COIL: variants seen among roughly 807,000 people sequenced by gnomAD.
The protein encoded by COIL is coilin.
In COIL, 28 loss-of-function variants were observed where a neutral mutation model predicts 51.6. The observed-to-expected ratio is 0.54, with a 90% CI of 0.40 to 0.74. COIL has a LOEUF of 0.74. Among genes scored for constraint, COIL ranks in the 30% least tolerant of loss-of-function variants. COIL has a pLI of 0.00. For synonymous variants in COIL, 233 were observed against 255.8 expected (o/e 0.91, Z 0.85); for missense variants, 667 against 685.9 (o/e 0.97, Z 0.31).
chr17:56,953,272 G>C (rs536278977), intron 1 of COIL, among the ~76,000 whole-genome samples: 2 of 151,814 alleles, frequency 1.3e-5, no homozygotes, highest in Non-Finnish European at 2.9e-5. Flanking sequence ...TTAGCCAGGC[G>C]TGGTGGCGGG....
intron 5 of COIL, among the ~76,000 whole-genome samples, chr17:56,944,060 T>A (rs1426150778): frequency 2.0e-5 from 3 of 149,910 alleles, no homozygotes; most frequent in African/African-American, 7.4e-5. Context: ...TACGACAGAG[T>A]CTCACTATGC....
intron 4 of COIL, 31 bp from the exon 5 acceptor site, chr17:56,946,542 A>G: frequency 1.4e-6 from 2 of 1,408,930 alleles, no homozygotes; most frequent in Non-Finnish European, 2.0e-6. Flanking sequence ...AGTCAAAATC[A>G]ACATGTAAAA....
intron 6 of COIL, 107 bp from the exon 7 acceptor site, chr17:56,939,261 A>G: frequency 1.5e-6 from 1 of 680,900 alleles, no homozygotes; most frequent in Non-Finnish European, 2.7e-6. Flanking sequence ...GAAGAACGGG[A>G]ATAATTTGGG....
intron 1 of COIL, 80 bp from the exon 2 acceptor site, chr17:56,951,076 C>G: frequency 7.6e-7 from 1 of 1,311,796 alleles, no homozygotes; most frequent in Non-Finnish European, 1.0e-6. Flanking sequence ...ACTGAGATGA[C>G]TCTACAAAAT....
chr17:56,940,798 A>G (rs937524620), intron 6 of COIL, among the ~76,000 whole-genome samples: 1 of 152,178 alleles, frequency 6.6e-6, no homozygotes, highest in Non-Finnish European at 1.5e-5. Context: ...TAACCTAATG[A>G]GCTAGCCACT....
chr17:56,941,935 T>TC (rs977302262), intron 6 of COIL, 100 bp downstream of exon 6: 2 of 951,328 alleles, frequency 2.1e-6, no homozygotes, highest in Non-Finnish European at 3.4e-6. Flanking sequence ...AAGGTCAGAT[T>TC]CCCCCCAGGG....
chr17:56,955,177 G>A (rs1453059349), intron 1 of COIL, among the ~76,000 whole-genome samples: 1 of 152,136 alleles, frequency 6.6e-6, no homozygotes, highest in Admixed American at 6.5e-5. Context: ...CGATTCTCCT[G>A]CCTCAGCCTC....
intron 4 of COIL, 139 bp downstream of exon 4, chr17:56,949,248 G>C: frequency 1.6e-6 from 1 of 644,616 alleles, no homozygotes; most frequent in Non-Finnish European, 2.6e-6. Flanking sequence ...TTGACATTTC[G>C]ATTAATGTTT....
chr17:56,942,797 T>G (rs1373773491), intron 5 of COIL, among the ~76,000 whole-genome samples: 1 of 152,172 alleles, frequency 6.6e-6, no homozygotes, highest in Admixed American at 6.5e-5. Flanking sequence ...ATTACAGGCG[T>G]GAGCCACCAC....
chr17:56,944,943 G>A (rs1226605749), intron 5 of COIL, among the ~76,000 whole-genome samples: 2 of 152,118 alleles, frequency 1.3e-5, no homozygotes, highest in Non-Finnish European at 1.5e-5. Context: ...TGCGAACCTG[G>A]GAGGCAGAGC....
At chr17:56,958,350 C>T (rs1910520065) in intron 1 of COIL, among the ~76,000 whole-genome samples, 1 of 152,208 alleles carries the variant, frequency 6.6e-6, no homozygotes, top group Admixed American at 6.5e-5. Flanking sequence ...ATGTGTTCTT[C>T]CGTAGCTCTG....
chr17:56,955,892 T>C (rs1475452352), intron 1 of COIL, among the ~76,000 whole-genome samples: 1 of 152,004 alleles, frequency 6.6e-6, no homozygotes, highest in African/African-American at 2.4e-5. Flanking sequence ...TGAATAATTT[T>C]CCAAGTACAA....
At chr17:56,960,138 C>G (rs1459038575) in intron 1 of COIL, among the ~76,000 whole-genome samples, 1 of 148,994 alleles carries the variant, frequency 6.7e-6, no homozygotes, top group Non-Finnish European at 1.5e-5. Flanking sequence ...GTGGGAGGAT[C>G]GATTGAACCC....
At chr17:56,942,198 T>C in intron 5 of COIL, 75 bp from the exon 6 acceptor site, 2 of 1,181,382 alleles carry the variant, frequency 1.7e-6, no homozygotes, top group Non-Finnish European at 2.5e-6. Flanking sequence ...ATGGGGAATT[T>C]ATATCATTAA....
intron 1 of COIL, among the ~76,000 whole-genome samples, chr17:56,954,148 A>G (rs1410541460): frequency 6.6e-6 from 1 of 152,178 alleles, no homozygotes; most frequent in African/African-American, 2.4e-5. Flanking sequence ...TGGTTTATTA[A>G]GGCCCTGGAA....
chr17:56,949,030 T>C (rs1910304349), intron 4 of COIL, among the ~76,000 whole-genome samples: 1 of 152,164 alleles, frequency 6.6e-6, no homozygotes, highest in Non-Finnish European at 1.5e-5. Flanking sequence ...TCCCAACACT[T>C]TGGGAAGCCA....
intron 5 of COIL, 68 bp from the exon 6 acceptor site, chr17:56,942,191 G>T: frequency 8.1e-7 from 1 of 1,228,566 alleles, no homozygotes; most frequent in Admixed American, 1.7e-5. Context: ...TTCCTCTATG[G>T]GGAATTTATA....
intron 4 of COIL, among the ~76,000 whole-genome samples, chr17:56,948,607 T>G (rs1460605602): frequency 6.6e-6 from 1 of 151,842 alleles, no homozygotes; most frequent in Non-Finnish European, 1.5e-5. Flanking sequence ...GAATGCACTT[T>G]AACAAGATTT....
intron 1 of COIL, chr17:56,952,133 T>C (rs1328442355): frequency 2.2e-6 from 1 of 450,182 alleles, no homozygotes; most frequent in Non-Finnish European, 4.3e-6. Flanking sequence ...CTAACTATAA[T>C]GATGAAGCAT....
Sources: allele counts gnomAD v4.1 joint callset (sites outside exome capture counted in the v4.1 genomes callset), GRCh38; gene constraint gnomAD v4.1.1; transcripts MANE v1.5; gene names NCBI Gene and HGNC (gene_info 2026-07-23, HGNC 2026-07-21).